NRG3: variants seen among roughly 807,000 people sequenced by gnomAD.
The protein encoded by NRG3 is neuregulin 3.
A neutral mutation model predicts 66.9 loss-of-function variants in NRG3; 31 were observed. That is an observed-to-expected ratio of 0.46 (90% CI 0.35 to 0.63). NRG3 has a LOEUF of 0.63. NRG3 is among the 20% of genes least tolerant of loss of function. The probability of loss-of-function intolerance (pLI) is 0.00; values close to 1 mark genes in which losing one functional copy is unlikely to be tolerated. For missense variants in NRG3, 910 were observed against 878.9 expected, an observed-to-expected ratio of 1.04 and a Z score of -0.45; for synonymous variants, 393 against 359.4, an observed-to-expected ratio of 1.09 and a Z score of -1.06.
At position 82,346,612 on chromosome 10, in the gene NRG3, A is replaced by G. The variant is rs370231183; in HGVS notation, c.824-12127A>G. 2.4e-4 allele frequency among the ~76,000 whole-genome samples: 36 copies of G among 151,748 alleles called. No homozygotes were observed. The East Asian group carries it at 5.7e-3, about 24-fold the overall frequency. ...GTTAGGGAGGATTCCCTCTTTTTCT[A>G]TTGATTGGAATAGTTTCAGAAGGAA... On this transcript the variant is annotated intron_variant, in intron 1 of 8. Coordinates refer to ENST00000372141, the MANE Select transcript of NRG3 (RefSeq NM_001010848.4).
At chr10:82,262,798 G>A (rs10509450) in intron 1 of NRG3, among the ~76,000 whole-genome samples, 13,424 of 152,176 alleles carry the variant, frequency 0.088, 1,418 homozygotes, top group East Asian at 0.25. Flanking sequence ...TTACGAACAC[G>A]ATGAGGAGGG....
chr10:82,850,817 A>G (rs969633300), intron 3 of NRG3, among the ~76,000 whole-genome samples: 10 of 152,212 alleles, frequency 6.6e-5, no homozygotes, highest in African/African-American at 2.4e-4. Context: ...TTTGAAATAT[A>G]GTAAGTTAAT....
chr10:82,230,597 G>A (rs990799589), intron 1 of NRG3, among the ~76,000 whole-genome samples: 1 of 151,548 alleles, frequency 6.6e-6, no homozygotes, highest in African/African-American at 2.4e-5. Flanking sequence ...AAAATATTCT[G>A]ACAATGAAAA....
Position 82,738,789 on chromosome 10 carries a change from G to GT in NRG3, c.1027+141dup. 3 of 734,522 alleles carry GT rather than the reference G, an allele frequency of 4.1e-6. No individual in the cohort carries two copies. The South Asian group carries it at 4.9e-5, about 12-fold the overall frequency. The allele number at this position is 734,522 out of a possible 1,614,324, so 45.5% of individuals were successfully genotyped here. ...CCAAGGACAGAAGCTGATGGCAGAT[G>GT]TTGATGTTCAAAGCATCCTCAGAGC... On this transcript the variant is annotated intron_variant, in intron 3 of 8. Coordinates refer to ENST00000372141, the MANE Select transcript of NRG3 (RefSeq NM_001010848.4).
rs969081601 is a variant in NRG3, at chr10:82,615,264, A to G, written c.954-123313A>G. 2.0e-5 allele frequency among the ~76,000 whole-genome samples: 3 copies of G among 152,144 alleles called. No homozygotes were observed. The South Asian group carries it at 6.2e-4, about 31-fold the overall frequency. On this transcript the variant is annotated intron_variant, in intron 2 of 8. Coordinates refer to ENST00000372141, the MANE Select transcript of NRG3 (RefSeq NM_001010848.4). ...ATTCTGGAGAATTGATTGATATGTT[A>G]TCTGATTATAAAAATAGAAATAAAA...
chr10:82,551,696 A>G (rs1331358315), intron 2 of NRG3, among the ~76,000 whole-genome samples: 1 of 152,046 alleles, frequency 6.6e-6, no homozygotes, highest in Non-Finnish European at 1.5e-5. Context: ...TGCAACCACC[A>G]TAGCGGTCAA....
chr10:82,005,572 G>A (rs2061346108), intron 1 of NRG3, among the ~76,000 whole-genome samples: 1 of 152,238 alleles, frequency 6.6e-6, no homozygotes, highest in Middle Eastern at 3.4e-3. Flanking sequence ...AACTAACATT[G>A]TGTTGGTTTC....
intron 3 of NRG3, among the ~76,000 whole-genome samples, chr10:82,825,192 T>G (rs1413882076): frequency 6.6e-6 from 1 of 152,218 alleles, no homozygotes; most frequent in Non-Finnish European, 1.5e-5. Flanking sequence ...CTATCTTTTT[T>G]ATTGTTTTGT....
chr10:81,968,667 T>C (rs2059818758), intron 1 of NRG3, among the ~76,000 whole-genome samples: 1 of 152,216 alleles, frequency 6.6e-6, no homozygotes, highest in Non-Finnish European at 1.5e-5. Flanking sequence ...TTACTACTTT[T>C]AAACACTAAG....
In NRG3 at chr10:82,313,099, G is replaced by C. The variant is rs192001987; in HGVS notation, c.824-45640G>C. Among the ~76,000 whole-genome samples, 927 of 152,168 alleles carry C rather than the reference G, an allele frequency of 6.1e-3. 10 individuals are homozygous for C. Among genetic ancestry groups the C allele is most frequent in the African/African-American group, 0.018 (737 of 41,516 alleles). ...AGGCTGAGGTGGGACGATTCCTTGA[G>C]CTATAGAGGCAGAGGTTGCAGTGAA... On this transcript the variant is annotated intron_variant, in intron 1 of 8. Transcript: ENST00000372141.
chr10:82,518,836 G>C (rs1384380052), intron 2 of NRG3, among the ~76,000 whole-genome samples: 1 of 152,052 alleles, frequency 6.6e-6, no homozygotes, highest in Non-Finnish European at 1.5e-5. Flanking sequence ...AGGTATAATA[G>C]ATGACACCTG....
rs1192033295 is a variant in NRG3, at chr10:81,935,919, A to ACACACAC, written c.823+59762_823+59763insCCACACA. Among the ~76,000 whole-genome samples the ACACACAC allele has an allele frequency of 9.7e-3, 1,419 of 146,744 alleles. 14 individuals are homozygous for ACACACAC. Among genetic ancestry groups the ACACACAC allele is most frequent in the Middle Eastern group, 0.024 (7 of 290 alleles). ...CACACACACACACACACACACACAC[A>ACACACAC]CACACAGTTTCCTGTGTTAAAATGG... On this transcript the variant is annotated intron_variant, in intron 1 of 8. Coordinates refer to ENST00000372141, the MANE Select transcript of NRG3 (RefSeq NM_001010848.4).
At chr10:82,005,579 T>A (rs1380679847) in intron 1 of NRG3, among the ~76,000 whole-genome samples, 1 of 152,144 alleles carries the variant, frequency 6.6e-6, no homozygotes, top group Non-Finnish European at 1.5e-5. Flanking sequence ...ATTGTGTTGG[T>A]TTCCTGATAC....
chr10:82,547,758 C>G (rs1224204386), intron 2 of NRG3, among the ~76,000 whole-genome samples: 2 of 152,046 alleles, frequency 1.3e-5, no homozygotes, highest in Non-Finnish European at 2.9e-5. Context: ...TCAGCTCCAA[C>G]ATGGATGTTT....
chr10:82,167,998 A>G (rs2072235162), intron 1 of NRG3, among the ~76,000 whole-genome samples: 1 of 152,140 alleles, frequency 6.6e-6, no homozygotes, highest in Non-Finnish European at 1.5e-5. Flanking sequence ...TTTAAAGGAA[A>G]AAAAAACCCT....
chr10:82,705,760 G>C (rs573758675), intron 2 of NRG3, among the ~76,000 whole-genome samples: 27 of 151,274 alleles, frequency 1.8e-4, no homozygotes, highest in African/African-American at 6.0e-4. Context: ...ATCTATCCAA[G>C]TGATCCACCC....
intron 2 of NRG3, among the ~76,000 whole-genome samples, chr10:82,443,449 A>C (rs1453528961): frequency 6.6e-6 from 1 of 152,244 alleles, no homozygotes; most frequent in Non-Finnish European, 1.5e-5. Flanking sequence ...ATGCAGATTA[A>C]CTTTTTTAAG....
chr10:82,686,451 G>A (rs371325432), intron 2 of NRG3, among the ~76,000 whole-genome samples: 2 of 152,218 alleles, frequency 1.3e-5, no homozygotes, highest in South Asian at 4.1e-4. Context: ...GCCCCCCAAA[G>A]TGCTGGGATT....
At position 82,191,303 on chromosome 10, in the gene NRG3, A is replaced by G. The variant is rs936202592; in HGVS notation, c.824-167436A>G. 1.3e-4 allele frequency among the ~76,000 whole-genome samples: 20 copies of G among 152,298 alleles called. 1 individual carries two copies. Among genetic ancestry groups the G allele is most frequent in the Admixed American group, 1.1e-3 (17 of 15,294 alleles). On this transcript the variant is annotated intron_variant, in intron 1 of 8. Transcript: ENST00000372141. ...CTAGGTCACAGAATTTTTAAAGGATAAAATGATATAATGTCAGCTCAGGCA... is the reference window on the plus strand; with the variant it reads ...CTAGGTCACAGAATTTTTAAAGGATGAAATGATATAATGTCAGCTCAGGCA...
Sources: allele counts gnomAD v4.1 joint callset (sites outside exome capture counted in the v4.1 genomes callset), GRCh38; gene constraint gnomAD v4.1.1; transcripts MANE v1.5; gene names NCBI Gene and HGNC (gene_info 2026-07-23, HGNC 2026-07-21).